NAA35: variants seen among roughly 807,000 people sequenced by gnomAD.
NAA35 encodes MAK10 homolog, amino-acid N-acetyltransferase subunit.
In NAA35, 18 loss-of-function variants were observed where a neutral mutation model predicts 101.7. The ratio of observed to expected loss-of-function variants is 0.18; its 90% CI spans 0.12 to 0.26. The LOEUF is 0.26. Ranked by LOEUF, NAA35 falls within the 10% of genes least tolerant of loss-of-function variation. The pLI is 1.00. For synonymous variants in NAA35, 267 were observed against 273.1 expected, an observed-to-expected ratio of 0.98 and a Z score of 0.22; for missense variants, 601 against 886.8, an observed-to-expected ratio of 0.68 and a Z score of 4.09.
chr9:85,959,997 A>G (rs1829442209), intron 5 of NAA35, 130 bp downstream of exon 5: 1 of 582,624 alleles, frequency 1.7e-6, no homozygotes, highest in Non-Finnish European at 3.0e-6. Context: ...AGATGTGCAT[A>G]AGATTAACAG....
chr9:86,021,231 G>T (rs1042317021), intron 22 of NAA35, among the ~76,000 whole-genome samples: 1 of 152,108 alleles, frequency 6.6e-6, no homozygotes, highest in Non-Finnish European at 1.5e-5. Context: ...GGTAAAAAAA[G>T]AAAATTTATG....
chr9:85,948,746 G>A (rs75666336), intron 2 of NAA35, among the ~76,000 whole-genome samples: 6,166 of 151,998 alleles, frequency 0.041, 490 homozygotes, highest in East Asian at 0.36. Flanking sequence ...GTTATATGTC[G>A]ATACCTTTAT....
At chr9:85,986,505 G>C (rs903894205) in intron 11 of NAA35, 1 of 466,594 alleles carries the variant, frequency 2.1e-6, no homozygotes, top group Non-Finnish European at 4.4e-6. Context: ...GGAGGTGGAA[G>C]TCAGAGATAA....
chr9:85,990,836 T>C (rs1343875112), intron 11 of NAA35, among the ~76,000 whole-genome samples: 1 of 152,150 alleles, frequency 6.6e-6, no homozygotes, highest in East Asian at 1.9e-4. Context: ...AGTGTACTTG[T>C]AGCAGGGTGA....
At chr9:85,999,397 A>G (rs959046149) in intron 12 of NAA35, among the ~76,000 whole-genome samples, 2 of 152,218 alleles carry the variant, frequency 1.3e-5, no homozygotes, top group African/African-American at 4.8e-5. Flanking sequence ...CATGTCAACC[A>G]TAAGGTAATA....
At chr9:85,964,332 TGTTA>T (rs1829651896) in intron 6 of NAA35, among the ~76,000 whole-genome samples, 3 of 152,222 alleles carry the variant, frequency 2.0e-5, no homozygotes, top group African/African-American at 7.2e-5. Context: ...TTTCCTGACC[TGTTA>T]GTAAGTTGTG....
chr9:85,941,760 C>T, intron 1 of NAA35: 1 of 990,342 alleles, frequency 1.0e-6, no homozygotes, highest in Non-Finnish European at 1.2e-6. Context: ...TGATTGACTT[C>T]GGTAGCTGCC....
chr9:86,002,276 G>T (rs961000619), intron 12 of NAA35, among the ~76,000 whole-genome samples: 2 of 152,048 alleles, frequency 1.3e-5, no homozygotes, highest in Admixed American at 6.6e-5. Flanking sequence ...CCCTTTCTTT[G>T]TAGCTGCCTT....
Position 86,022,250 on chromosome 9 carries a change from G to C in NAA35, c.*290G>C. 8.2e-6 allele frequency: 2 copies of C among 243,666 alleles called. No homozygotes were observed. Among genetic ancestry groups the C allele is most frequent in the Non-Finnish European group, 1.5e-5 (2 of 129,554 alleles). 15.1% of individuals were successfully genotyped at this position (243,666 alleles called of 1,614,324 possible). On this transcript the variant is annotated 3_prime_UTR_variant, in exon 23 of 23. Coordinates refer to ENST00000361671, the MANE Select transcript of NAA35 (RefSeq NM_024635.4). Reference sequence around the variant, plus strand: ...CAAATCATTTTTTATGAATGATTGAGTGAAAATAGTGTTTATAAAGGTTAA... The same window carrying C: ...CAAATCATTTTTTATGAATGATTGACTGAAAATAGTGTTTATAAAGGTTAA...
At chr9:85,986,462 C>T (rs939537060) in intron 11 of NAA35, 14 of 470,062 alleles carry the variant, frequency 3.0e-5, no homozygotes, top group African/African-American at 2.8e-4. Context: ...CTCTGACTTC[C>T]TCCTTTTCAG....
chr9:85,996,268 A>G (rs2118257977), intron 11 of NAA35, 131 bp from the exon 12 acceptor site: 2 of 589,282 alleles, frequency 3.4e-6, no homozygotes, highest in East Asian at 3.1e-5. Context: ...TATAAAATCT[A>G]TTTAGAGGAT....
intron 12 of NAA35, among the ~76,000 whole-genome samples, chr9:85,999,155 A>T (rs984461854): frequency 2.0e-5 from 3 of 152,200 alleles, no homozygotes; most frequent in Non-Finnish European, 2.9e-5. Flanking sequence ...GAATTTTAAA[A>T]GTTCCTAGGA....
intron 11 of NAA35, among the ~76,000 whole-genome samples, chr9:85,983,221 T>C (rs976562280): frequency 6.6e-6 from 1 of 152,184 alleles, no homozygotes; most frequent in African/African-American, 2.4e-5. Context: ...TAAGTAGTCA[T>C]TATTGTGACC....
intron 6 of NAA35, among the ~76,000 whole-genome samples, chr9:85,968,431 C>G (rs559932016): frequency 6.6e-6 from 1 of 152,088 alleles, no homozygotes; most frequent in African/African-American, 2.4e-5. Flanking sequence ...AGGATGGTCT[C>G]GATCTCCTGA....
rs115298481 is a variant in NAA35 at position 86,017,033 on chromosome 9, C to T, written c.1705+358C>T. 3.9e-3 allele frequency among the ~76,000 whole-genome samples: 593 copies of T among 152,278 alleles called. 4 individuals are homozygous for T. The highest frequency in any genetic ancestry group is 0.012 in the African/African-American group (498 of 41,546). The stretch of plus-strand genomic sequence containing the variant: ...GGAGCTGTGCTGTGGTAGCGGGCAC[C>T]GAAAGGTGGTTACAGAGCGCCTTGA... On this transcript the variant is annotated intron_variant, in intron 18 of 22. Coordinates refer to ENST00000361671, the MANE Select transcript of NAA35 (RefSeq NM_024635.4).
intron 6 of NAA35, among the ~76,000 whole-genome samples, chr9:85,971,836 ATTTTT>A (rs372692955): frequency 7.0e-6 from 1 of 143,640 alleles, no homozygotes; most frequent in Non-Finnish European, 1.5e-5. Flanking sequence ...ATATATCCTG[ATTTTT>A]TTTTTTTTTT....
chr9:85,988,090 C>A (rs1414153491), intron 11 of NAA35, among the ~76,000 whole-genome samples: 3 of 152,312 alleles, frequency 2.0e-5, no homozygotes, highest in Non-Finnish European at 4.4e-5. Context: ...AAAAGAAACA[C>A]ATGCACACGG....
chr9:86,020,990 A>G (rs1436511960), intron 22 of NAA35, 21 bp downstream of exon 22: 2 of 1,562,054 alleles, frequency 1.3e-6, no homozygotes, highest in East Asian at 2.3e-5. Flanking sequence ...TGTGGGAAAA[A>G]TAAGTGGTCT....
chr9:86,003,686 A>G (rs762836233), intron 13 of NAA35, 42 bp downstream of exon 13: 2 of 1,188,198 alleles, frequency 1.7e-6, no homozygotes, highest in South Asian at 1.3e-5. Context: ...TAAACATTAT[A>G]TGTGTATTGA....
Sources: allele counts gnomAD v4.1 joint callset (sites outside exome capture counted in the v4.1 genomes callset), GRCh38; gene constraint gnomAD v4.1.1; transcripts MANE v1.5; gene names NCBI Gene and HGNC (gene_info 2026-07-23, HGNC 2026-07-21).